Variants in NAV2 observed in about 807,000 individuals in gnomAD.
NAV2 encodes neuron navigator 2.
NAV2 carries 54 observed loss-of-function variants against 223.2 expected under a neutral mutation model. The ratio of observed to expected loss-of-function variants is 0.24; its 90% CI spans 0.19 to 0.30. The LOEUF is 0.30. NAV2 is among the 10% of genes least tolerant of loss of function. The pLI, the probability that NAV2 is intolerant of heterozygous loss-of-function variation, is 1.00. For synonymous variants in NAV2, 1,279 were observed against 1,239.3 expected (o/e 1.03, Z -0.67); for missense variants, 2,806 against 3,147.5 (o/e 0.89, Z 2.60).
intron 1 of NAV2, among the ~76,000 whole-genome samples, chr11:19,485,796 T>G (rs921083604): frequency 6.6e-6 from 1 of 151,690 alleles, no homozygotes. Flanking sequence ...TGGATCCGAG[T>G]TACAGGGTAG....
At chr11:19,771,823 T>C (rs2055742525) in intron 1 of NAV2, among the ~76,000 whole-genome samples, 1 of 152,172 alleles carries the variant, frequency 6.6e-6, no homozygotes, top group African/African-American at 2.4e-5. Flanking sequence ...CATTCATTCA[T>C]TCGTAGGCTT....
intron 1 of NAV2, among the ~76,000 whole-genome samples, chr11:19,391,495 A>T (rs1245862999): frequency 1.3e-5 from 2 of 152,202 alleles, no homozygotes; most frequent in East Asian, 3.8e-4. Context: ...AAACCTTATC[A>T]ATGACACTGA....
chr11:19,374,736 C>T (rs1469482956), intron 1 of NAV2, among the ~76,000 whole-genome samples: 1 of 152,172 alleles, frequency 6.6e-6, no homozygotes, highest in Non-Finnish European at 1.5e-5. Flanking sequence ...CAGGAGAGAT[C>T]AGGATGTGGA....
chr11:20,115,595 GCA>G (rs2063001561), intron 37 of NAV2, among the ~76,000 whole-genome samples: 10 of 118,790 alleles, frequency 8.4e-5, no homozygotes, highest in African/African-American at 2.6e-4. Flanking sequence ...TCGCGCCACT[GCA>G]CTCCAGCCTG....
intron 1 of NAV2, among the ~76,000 whole-genome samples, chr11:19,651,126 G>A (rs952040727): frequency 4.6e-5 from 7 of 152,054 alleles, no homozygotes; most frequent in African/African-American, 9.7e-5. Context: ...CTGAGTCTCC[G>A]TTCAAGGTAG....
chr11:20,037,275 C>G (rs943320235), intron 12 of NAV2, among the ~76,000 whole-genome samples: 9 of 128,720 alleles, frequency 7.0e-5, no homozygotes, highest in Non-Finnish European at 8.0e-5. Context: ...CTTCCATAAC[C>G]TCTTCCTTTC....
chr11:19,949,678 G>T (rs775721992), intron 10 of NAV2, among the ~76,000 whole-genome samples: 15 of 152,178 alleles, frequency 9.9e-5, no homozygotes, highest in African/African-American at 3.1e-4. Context: ...CTCTGTGGCA[G>T]GCTCCTTTGG....
At chr11:19,826,569 T>G (rs1225412052) in intron 1 of NAV2, among the ~76,000 whole-genome samples, 1 of 152,250 alleles carries the variant, frequency 6.6e-6, no homozygotes, top group African/African-American at 2.4e-5. Flanking sequence ...GCTGAATTTA[T>G]GTCCATGATT....
At chr11:19,601,467 G>A (rs2046348146) in intron 1 of NAV2, among the ~76,000 whole-genome samples, 1 of 152,060 alleles carries the variant, frequency 6.6e-6, no homozygotes, top group Non-Finnish European at 1.5e-5. Context: ...TGTCAGTCTG[G>A]GCTTCCTACC....
At chr11:19,956,637 G>A (rs1046011647) in intron 10 of NAV2, among the ~76,000 whole-genome samples, 6 of 152,172 alleles carry the variant, frequency 3.9e-5, no homozygotes, top group African/African-American at 9.7e-5. Context: ...CATAGTGCAC[G>A]GTGTGGGGGC....
rs572607763 is a variant in NAV2, at chr11:19,593,022, C to T, written c.76-239462C>T. 1.2e-4 allele frequency among the ~76,000 whole-genome samples: 18 copies of T among 152,120 alleles called. No homozygotes were observed. The South Asian group carries it at 3.7e-3, about 32-fold the overall frequency. On this transcript the variant is annotated intron_variant, in intron 1 of 37. Transcript: ENST00000360655. ...GACTGTGTGAGTATTGTTCTGTGTC[C>T]TTTTCTCACTTGTGTAAAATTGTGA...
chr11:19,828,643 C>T (rs1456626644), intron 1 of NAV2, among the ~76,000 whole-genome samples: 1 of 151,332 alleles, frequency 6.6e-6, no homozygotes, highest in Non-Finnish European at 1.5e-5. Context: ...CACGTGCCAT[C>T]ACACCCGGCT....
intron 1 of NAV2, among the ~76,000 whole-genome samples, chr11:19,762,756 G>A (rs1177742606): frequency 6.6e-6 from 1 of 151,824 alleles, no homozygotes; most frequent in African/African-American, 2.4e-5. Context: ...TGGGATTACA[G>A]GCGCACACCA....
At chr11:19,391,223 C>T (rs1422605047) in intron 1 of NAV2, among the ~76,000 whole-genome samples, 8 of 152,112 alleles carry the variant, frequency 5.3e-5, no homozygotes, top group Non-Finnish European at 2.9e-5. Flanking sequence ...GCACCCCTTC[C>T]CTGTCAGAGC....
chr11:19,875,392 T>C, intron 4 of NAV2, among the ~76,000 whole-genome samples: 1 of 152,204 alleles, frequency 6.6e-6, no homozygotes, highest in Admixed American at 6.5e-5. Context: ...TGTTGAATAT[T>C]ATATGTAATT....
Position 20,049,138 on chromosome 11 carries a change from A to G in NAV2, c.4313A>G (p.Asp1438Gly), listed in dbSNP as rs758295992. The change falls in exon 15 of 38, where the codon GAC becomes GGC. Residue 1438 changes from aspartate to glycine, a missense_variant. Asp to Gly is a moderately conservative substitution (Grantham distance 94). Around this residue, in one of 4 missense-constraint regions of NAV2, gnomAD observed 742 missense variants for 777.9 expected, o/e 0.95. Transcript: ENST00000349880. ...ACTGGCCTCATCGCCTCCTCCAAGGACGACTCCTTGACTCCCTTTGTCAGA... is the reference window on the plus strand; with the variant it reads ...ACTGGCCTCATCGCCTCCTCCAAGGGCGACTCCTTGACTCCCTTTGTCAGA... ...SSTGLIASSK[D>G]DSLTPFVRTN... 7.4e-6 allele frequency: 12 copies of G among 1,613,286 alleles called. No homozygotes were observed. The Admixed American group carries it at 1.2e-4, about 16-fold the overall frequency.
At chr11:19,784,388 TAAAAAAAAAAAAAAAA>T (rs1162911472) in intron 1 of NAV2, among the ~76,000 whole-genome samples, 6 of 50,960 alleles carry the variant, frequency 1.2e-4, no homozygotes, top group Non-Finnish European at 1.6e-4. Context: ...AGCTCCATCT[TAAAAAAAAAAAAAAAA>T]AAAAAAAAAA....
In NAV2 at chr11:19,477,392, C is replaced by T. The variant is rs149357931; in HGVS notation, c.75+126365C>T. 1.2e-4 allele frequency among the ~76,000 whole-genome samples: 18 copies of T among 152,330 alleles called. No homozygotes were observed. The East Asian group carries it at 3.5e-3, about 29-fold the overall frequency. ...TATTTTGTGCATTGAAACAGTTTAT[C>T]AGCAAGGATTTATTGAGTGGGATTA... On this transcript the variant is annotated intron_variant, in intron 1 of 37. Coordinates refer to the NAV2 transcript ENST00000360655.
rs2063339067 is a variant in NAV2, at chr11:20,118,973, TGAGTGACGGAGTGAGAGTGTGAGC to T, written c.*721_*744del. 6.6e-6 allele frequency: 1 copy of T among 152,316 alleles called. No individual in the cohort carries two copies. The highest frequency in any genetic ancestry group is 2.1e-4 in the South Asian group (1 of 4,786). The allele number at this position is 152,316 out of a possible 1,614,324, so 9.4% of individuals were successfully genotyped here. On this transcript the variant is annotated 3_prime_UTR_variant, in exon 38 of 38. Transcript: ENST00000349880. ...AGCCTCTGATTAATATCCGTGAGAG[TGAGTGACGGAGTGAGAGTGTGAGC>T]GAGTGGATGTGGCTGTCAGTGCAGA...
Sources: gnomAD v4.1 joint callset for allele counts (sites outside exome capture counted in the v4.1 genomes callset) on GRCh38, gnomAD v4.1.1 for gene constraint, gnomAD v4.1.1 regional missense constraint, MANE v1.5 for transcripts, NCBI Gene and HGNC (gene_info 2026-07-23, HGNC 2026-07-21) for gene names.